C10orf67: variants seen among roughly 807,000 people sequenced by gnomAD.
C10orf67 encodes uncharacterized protein C10orf67, mitochondrial.
In C10orf67, 60 loss-of-function variants were observed where a neutral mutation model predicts 35.6. The ratio of observed to expected loss-of-function variants is 1.68; its 90% CI spans 1.37 to 2.09. The LOEUF (loss-of-function observed/expected upper bound fraction) is 2.09, where lower values mean the gene tolerates loss of function less well. Ranked by LOEUF, C10orf67 falls within the 30% of genes most tolerant of loss-of-function variation. The pLI is 0.00. For synonymous variants in C10orf67, 167 were observed against 115.8 expected (o/e 1.44, Z -2.84); for missense variants, 474 against 330.2 (o/e 1.44, Z -3.38).
At chr10:23,258,670 C>T (rs1189811380) in intron 10 of C10orf67, 1 of 152,162 alleles carries the variant, frequency 6.6e-6, no homozygotes, top group Non-Finnish European at 1.5e-5. Context: ...AAACATTGGC[C>T]AGATTTTATG....
At position 23,344,776 on chromosome 10, in the gene C10orf67, A is replaced by T; in HGVS notation, c.-2T>A. On this transcript the variant is annotated 5_prime_UTR_variant, in exon 1 of 16. The change abolishes an upstream ATG in the 5' untranslated region. Transcript: ENST00000636213. ...CCTGCGATCCCGGACCAAGGCCATCATAAGAGGAGAGCAGGCTGCCTAATA... is the reference window on the plus strand; with the variant it reads ...CCTGCGATCCCGGACCAAGGCCATCTTAAGAGGAGAGCAGGCTGCCTAATA... 1 of 1,556,976 alleles carries T rather than the reference A, an allele frequency of 6.4e-7. No homozygotes were observed. The highest frequency in any genetic ancestry group is 8.7e-7 in the Non-Finnish European group (1 of 1,150,424).
intron 4 of C10orf67, among the ~76,000 whole-genome samples, chr10:23,306,876 C>T (rs1221361509): frequency 2.0e-5 from 3 of 152,096 alleles, no homozygotes; most frequent in African/African-American, 4.8e-5. Flanking sequence ...AATTATACAT[C>T]AGTAAAGCTG....
At chr10:23,207,863 C>A (rs1298897303) in intron 15 of C10orf67, among the ~76,000 whole-genome samples, 1 of 152,158 alleles carries the variant, frequency 6.6e-6, no homozygotes, top group Admixed American at 6.5e-5. Context: ...CACCAAATAG[C>A]TTTGGTATGT....
intron 13 of C10orf67, among the ~76,000 whole-genome samples, chr10:23,224,094 T>A (rs191348596): frequency 3.9e-4 from 59 of 152,332 alleles, no homozygotes; most frequent in Non-Finnish European, 6.0e-4. Context: ...AATTGAGACT[T>A]ACTACTTGCA....
In C10orf67 at chr10:23,248,714, C is replaced by A. The variant is rs184245135; in HGVS notation, c.1346+1741G>T. ...GTACTCTGTACAAATGCACTCGCTA[C>A]GGTGCTGTATATGCCACATTGAATT... is the stretch of plus-strand genomic sequence containing the variant. On this transcript the variant is annotated intron_variant, in intron 12 of 15. Transcript: ENST00000636213. Among the ~76,000 whole-genome samples the A allele has an allele frequency of 1.5e-3, 231 of 152,250 alleles. 2 individuals carry two copies. Among genetic ancestry groups the A allele is most frequent in the African/African-American group, 5.1e-3 (213 of 41,550 alleles).
At chr10:23,333,926 C>T (rs1470740731) in intron 1 of C10orf67, among the ~76,000 whole-genome samples, 1 of 152,102 alleles carries the variant, frequency 6.6e-6, no homozygotes, top group Admixed American at 6.6e-5. Flanking sequence ...GAAAGCACCA[C>T]CACACTCCAG....
At chr10:23,240,151 A>G (rs752859715) in intron 12 of C10orf67, among the ~76,000 whole-genome samples, 36 of 152,026 alleles carry the variant, frequency 2.4e-4, no homozygotes, top group Non-Finnish European at 5.0e-4. Flanking sequence ...TGATTGCACC[A>G]CTGCACTCCA....
intron 8 of C10orf67, among the ~76,000 whole-genome samples, chr10:23,270,502 T>C (rs1842987830): frequency 6.6e-6 from 1 of 152,182 alleles, no homozygotes; most frequent in African/African-American, 2.4e-5. Flanking sequence ...ACTCTGGTCC[T>C]GGGAATCCTG....
chr10:23,254,987 T>C (rs1444101364), intron 10 of C10orf67, among the ~76,000 whole-genome samples: 19 of 152,156 alleles, frequency 1.2e-4, no homozygotes, highest in Admixed American at 1.2e-3. Flanking sequence ...GAAGAATGAT[T>C]TTTCCTCTTT....
At chr10:23,235,704 A>G (rs1564465419) in intron 13 of C10orf67, among the ~76,000 whole-genome samples, 1 of 152,236 alleles carries the variant, frequency 6.6e-6, no homozygotes, top group South Asian at 2.1e-4. Context: ...TAGATCCTTC[A>G]AAAAAGAAGA....
chr10:23,305,690 C>A (rs558889850), intron 4 of C10orf67, among the ~76,000 whole-genome samples: 10 of 151,900 alleles, frequency 6.6e-5, no homozygotes, highest in African/African-American at 1.2e-4. Context: ...GTATTGGCAA[C>A]GGTATGGAGA....
intron 10 of C10orf67, among the ~76,000 whole-genome samples, chr10:23,262,509 C>T (rs1326578545): frequency 6.6e-6 from 1 of 152,174 alleles, no homozygotes; most frequent in East Asian, 1.9e-4. Flanking sequence ...AGGACATTAT[C>T]CATACCTTGA....
In C10orf67 at chr10:23,203,727, G is replaced by A. The variant is rs1841079219; in HGVS notation, c.*446C>T. The A allele has an allele frequency of 6.5e-6, 1 of 153,008 alleles. No homozygotes were observed. The allele number at this position is 153,008 out of a possible 1,614,324, so 9.5% of individuals were successfully genotyped here. The stretch of plus-strand genomic sequence containing the variant: ...GCTTGAGGAAATGTACGATCTCCCT[G>A]TAGTCTTCATGACCTACCTTCATGG... On this transcript the variant is annotated 3_prime_UTR_variant, in exon 16 of 16. Transcript: ENST00000636213.
chr10:23,252,260 CT>C (rs1161615984), intron 10 of C10orf67, among the ~76,000 whole-genome samples: 4 of 151,938 alleles, frequency 2.6e-5, no homozygotes, highest in African/African-American at 4.8e-5. Context: ...TGCCTATTGC[CT>C]TTTTTTCAAA....
In C10orf67 at chr10:23,250,488, C is replaced by G. The variant is rs1842418309; in HGVS notation, c.1313G>C (p.Ser438Thr). 5.0e-6 allele frequency: 2 copies of G among 398,448 alleles called. No individual in the cohort carries two copies. The highest frequency in any genetic ancestry group is 8.9e-6 in the Non-Finnish European group (2 of 225,824). 24.7% of individuals were successfully genotyped at this position (398,448 alleles called of 1,614,324 possible). A position where few individuals can be genotyped will look rare whatever the true frequency, so the allele number is the denominator to read the frequency against. The stretch of plus-strand genomic sequence containing the variant: ...GAGAATAAAGAATCTCTTTTCCCAG[C>G]TTTTATTTAGTCGATCAGCTTCCTT... ...FRKEADRLNK[S>T]WEKRFFILRN... The change falls in exon 12 of 16, where the codon AGC becomes ACC. Residue 438 changes from serine to threonine, a missense_variant. Ser to Thr is a moderately conservative substitution (Grantham distance 58). Transcript: ENST00000636213.
intron 5 of C10orf67, among the ~76,000 whole-genome samples, chr10:23,292,158 CTTTTTTT>C (rs542812504): frequency 4.3e-5 from 3 of 69,324 alleles, no homozygotes; most frequent in South Asian, 5.0e-4. Flanking sequence ...GACAGCTACT[CTTTTTTT>C]TTTTTTTTTT....
intron 1 of C10orf67, among the ~76,000 whole-genome samples, chr10:23,335,504 A>C (rs1419795169): frequency 6.6e-6 from 1 of 152,216 alleles, no homozygotes; most frequent in Admixed American, 6.5e-5. Flanking sequence ...TTCATACAAC[A>C]GTAAGCCCTC....
At chr10:23,270,883 C>G (rs567294576) in intron 8 of C10orf67, among the ~76,000 whole-genome samples, 2 of 152,314 alleles carry the variant, frequency 1.3e-5, no homozygotes, top group Admixed American at 1.3e-4. Context: ...GGTGGGGCCT[C>G]CCTGCAGGAA....
intron 13 of C10orf67, among the ~76,000 whole-genome samples, chr10:23,231,871 T>C (rs1012717855): frequency 2.2e-4 from 33 of 152,340 alleles, no homozygotes; most frequent in African/African-American, 7.7e-4. Flanking sequence ...AATTATAATG[T>C]TGAGAAAATG....
Sources: gnomAD v4.1 joint callset for allele counts (sites outside exome capture counted in the v4.1 genomes callset) on GRCh38, gnomAD v4.1.1 for gene constraint, MANE v1.5 for transcripts, NCBI Gene and HGNC (gene_info 2026-07-23, HGNC 2026-07-21) for gene names.